The following UBR4 variants were observed in gnomAD, a reference collection of about 807,000 sequenced individuals.
The protein encoded by UBR4 is ubiquitin protein ligase E3 component n-recognin 4, also known as E3 ubiquitin-protein ligase UBR4.
A neutral mutation model predicts 575.6 loss-of-function variants in UBR4; 124 were observed. The observed-to-expected ratio is 0.22, with a 90% CI of 0.19 to 0.25. The LOEUF is 0.25. Ranked by LOEUF, UBR4 falls within the 10% of genes least tolerant of loss-of-function variation. The pLI, the probability that UBR4 is intolerant of heterozygous loss-of-function variation, is 1.00. For synonymous variants in UBR4, 2,455 were observed against 2,473.7 expected, an observed-to-expected ratio of 0.99 and a Z score of 0.22; for missense variants, 4,818 against 6,478.8, an observed-to-expected ratio of 0.74 and a Z score of 8.80.
At chr1:19,086,608 G>A (rs1445575148) in intron 100 of UBR4, 71 bp downstream of exon 100, 3 of 1,579,362 alleles carry the variant, frequency 1.9e-6, no homozygotes, top group Non-Finnish European at 2.6e-6. Flanking sequence ...CCACGAGGAT[G>A]GCAGTCCCAC....
intron 60 of UBR4, among the ~76,000 whole-genome samples, chr1:19,132,401 T>C (rs1443639069): frequency 2.6e-5 from 4 of 151,840 alleles, no homozygotes; most frequent in Non-Finnish European, 5.9e-5. Flanking sequence ...AGGCTGGTTT[T>C]GAACTCCTGG....
chr1:19,106,549 G>A lies in UBR4; in HGVS notation c.12393+20C>T. On this transcript the variant is annotated intron_variant, in intron 83 of 105. Coordinates refer to ENST00000375254, the MANE Select transcript of UBR4 (RefSeq NM_020765.3). ...GGGTCAGGGGCGCAGGGGGTGAAGAGTCCAGAAGTGGCCACTCACTTGTCG... is the reference window on the plus strand; with the variant it reads ...GGGTCAGGGGCGCAGGGGGTGAAGAATCCAGAAGTGGCCACTCACTTGTCG... The A allele has an allele frequency of 6.5e-7, 1 of 1,547,302 alleles. No homozygotes were observed.
intron 94 of UBR4, among the ~76,000 whole-genome samples, chr1:19,094,454 A>C (rs1251746395): frequency 6.6e-6 from 1 of 152,210 alleles, no homozygotes; most frequent in Non-Finnish European, 1.5e-5. Flanking sequence ...ATTAGCACCA[A>C]TAAGAATGGA....
chr1:19,195,458 T>C (rs1050745400), intron 8 of UBR4, among the ~76,000 whole-genome samples: 1 of 152,124 alleles, frequency 6.6e-6, no homozygotes, highest in Non-Finnish European at 1.5e-5. Context: ...AATCCGACTA[T>C]GAATTTTTAA....
chr1:19,177,498 T>C lies in UBR4; in HGVS notation c.2600A>G (p.His867Arg). The C allele has an allele frequency of 1.2e-6, 2 of 1,614,144 alleles. No individual in the cohort carries two copies. Among genetic ancestry groups the C allele is most frequent in the African/African-American group, 1.3e-5 (1 of 75,040 alleles). ...RLLLIFDYLL[H>R]QYSKAPVYLF... Reference sequence around the variant, plus strand: ...ATACACAGGGGCTTTGGAGTACTGATGAAGCAGATAATCAAAGATGAGAAG... The same window carrying C: ...ATACACAGGGGCTTTGGAGTACTGACGAAGCAGATAATCAAAGATGAGAAG... The change falls in exon 19 of 106, where the codon CAT (histidine) becomes CGT (arginine). Residue 867 changes from histidine to arginine, a missense_variant. His to Arg is a conservative substitution (Grantham distance 29). Around this residue, in one of 29 missense-constraint regions of UBR4, gnomAD observed 1,172 missense variants for 1,259.7 expected, o/e 0.93. Coordinates refer to ENST00000375254, the MANE Select transcript of UBR4 (RefSeq NM_020765.3).
Position 19,173,565 on chromosome 1 carries a change from T to C in UBR4, c.3039A>G (p.Leu1013=). The part of the protein sequence containing the change: ...FLILWRILGI[L]PPSKTYINQL... ...GGTTAATGTAAGTCTTTGATGGTGG[T>C]AAAATTCCTAGGATCCTCCACAGTA... Residue 1013 remains leucine (L), a synonymous_variant, in exon 23 of 106, where the codon TTA becomes TTG. Coordinates refer to ENST00000375254, the MANE Select transcript of UBR4 (RefSeq NM_020765.3). The C allele has an allele frequency of 1.2e-6, 2 of 1,614,142 alleles. No individual in the cohort carries two copies. The highest frequency in any genetic ancestry group is 1.7e-6 in the Non-Finnish European group (2 of 1,180,018).
intron 49 of UBR4, 142 bp from the exon 50 acceptor site, chr1:19,148,768 C>G: frequency 1.2e-6 from 1 of 838,052 alleles, no homozygotes; most frequent in Non-Finnish European, 1.9e-6. Flanking sequence ...AGACCTGCCA[C>G]AGGCACCATG....
At chr1:19,185,395 T>G in intron 14 of UBR4, 109 bp from the exon 15 acceptor site, 2 of 1,074,964 alleles carry the variant, frequency 1.9e-6, no homozygotes, top group Non-Finnish European at 2.6e-6. Flanking sequence ...GATATCCCAA[T>G]TGTGATGATG....
chr1:19,144,918 G>C lies in UBR4; in HGVS notation c.7946-11C>G, dbSNP rs1402084216. The stretch of plus-strand genomic sequence containing the variant: ...CAATATGAGTTAGTCCTAAAGGAGA[G>C]ACAAACATTATTTGAAAATCTGGAG... On this transcript the variant is annotated splice_polypyrimidine_tract_variant and intron_variant, in intron 53 of 105. Coordinates refer to ENST00000375254, the MANE Select transcript of UBR4 (RefSeq NM_020765.3). 1.2e-6 allele frequency: 2 copies of C among 1,610,546 alleles called. No individual in the cohort carries two copies. The highest frequency in any genetic ancestry group is 1.7e-6 in the Non-Finnish European group (2 of 1,179,062).
chr1:19,181,183 C>G (rs139938011), intron 17 of UBR4, among the ~76,000 whole-genome samples: 2 of 152,086 alleles, frequency 1.3e-5, no homozygotes, highest in East Asian at 3.9e-4. Flanking sequence ...GTTCGAGCAG[C>G]CTGGGCGACA....
At chr1:19,156,029 C>T (rs1020622742) in intron 42 of UBR4, among the ~76,000 whole-genome samples, 2 of 152,118 alleles carry the variant, frequency 1.3e-5, no homozygotes, top group Non-Finnish European at 2.9e-5. Context: ...TTTTTAGAGA[C>T]AGGGTCTTGC....
At chr1:19,162,344 A>G (rs2087518619) in intron 35 of UBR4, 76 bp downstream of exon 35, 1 of 1,509,150 alleles carries the variant, frequency 6.6e-7, no homozygotes, top group Non-Finnish European at 8.9e-7. Flanking sequence ...AGGCTGGAAA[A>G]CAGAGCCAAA....
At position 19,112,585 on chromosome 1, in the gene UBR4, G is replaced by C; in HGVS notation, c.11740C>G (p.Leu3914Val). The change falls in exon 78 of 106, where the codon CTT becomes GTT. Residue 3914 changes from leucine (L) to valine (V), a missense_variant. Coordinates refer to ENST00000375254, the MANE Select transcript of UBR4 (RefSeq NM_020765.3). The part of the protein sequence containing the change: ...GLIRELFDYN[L>V]RRGAAAMREE... Reference sequence around the variant, plus strand: ...CGCATGGCCGCAGCCCCTCGGCGAAGATTATAATCAAAGAGCTCCCGGATA... The same window carrying C: ...CGCATGGCCGCAGCCCCTCGGCGAACATTATAATCAAAGAGCTCCCGGATA... 6.2e-7 allele frequency: 1 copy of C among 1,614,246 alleles called. No homozygotes were observed. The highest frequency in any genetic ancestry group is 2.2e-5 in the East Asian group (1 of 44,886).
At chr1:19,085,225 C>T (rs2076895295) in intron 101 of UBR4, among the ~76,000 whole-genome samples, 1 of 152,222 alleles carries the variant, frequency 6.6e-6, no homozygotes, top group Non-Finnish European at 1.5e-5. Context: ...ACAATGTATA[C>T]AAGAATACAT....
Position 19,088,615 on chromosome 1 carries a change from C to T in UBR4, c.14430+144G>A. On this transcript the variant is annotated intron_variant, in intron 98 of 105. Coordinates refer to ENST00000375254, the MANE Select transcript of UBR4 (RefSeq NM_020765.3). This position sits in a 1 kb window ranked among gnomAD's most constrained non-coding sequence, Gnocchi z 4.0. ...TGATAGAACGATAGTAGTTCCACCT[C>T]TGAGAGGGCCGAACACACCTAGTTC... 1.4e-6 allele frequency: 1 copy of T among 733,320 alleles called. No homozygotes were observed. Among genetic ancestry groups the T allele is most frequent in the South Asian group, 1.8e-5 (1 of 54,522 alleles). 45.4% of individuals were successfully genotyped at this position (733,320 alleles called of 1,614,324 possible). A position where few individuals can be genotyped will look rare whatever the true frequency, so the allele number is the denominator to read the frequency against.
At chr1:19,091,393 G>A (rs1045004848) in intron 97 of UBR4, among the ~76,000 whole-genome samples, 3 of 152,152 alleles carry the variant, frequency 2.0e-5, no homozygotes, top group Admixed American at 6.5e-5. Context: ...ATGAGTTACC[G>A]AAACAGATTA....
chr1:19,078,288 C>T (rs1021269016), intron 103 of UBR4: 9 of 491,262 alleles, frequency 1.8e-5, no homozygotes, highest in Non-Finnish European at 3.0e-5. Context: ...TGAAATTCAT[C>T]TGATTCTCTC....
In UBR4 at chr1:19,192,176, G is replaced by GA. The variant is rs763456578; in HGVS notation, c.1394+11_1394+12insT. On this transcript the variant is annotated intron_variant, in intron 11 of 105. Transcript: ENST00000375254. ...AAAACAAAATATAAGTTATAATCAAGTAGACACATACCCTTTTCCAGGCCC... is the reference window on the plus strand; with the variant it reads ...AAAACAAAATATAAGTTATAATCAAGATAGACACATACCCTTTTCCAGGCCC... The GA allele has an allele frequency of 1.9e-6, 3 of 1,610,626 alleles. No homozygotes were observed. The East Asian group carries it at 6.7e-5, about 36-fold the overall frequency.
rs372238917 is a variant in UBR4 at position 19,151,898 on chromosome 1, G to C, written c.6997-39C>G. The C allele has an allele frequency of 4.0e-6, 6 of 1,511,876 alleles. No homozygotes were observed. In the African/African-American group the frequency reaches 8.4e-5, roughly 21 times the overall value. The allele number at this position is 1,511,876 out of a possible 1,614,324, so 93.7% of individuals were successfully genotyped here. On this transcript the variant is annotated intron_variant, in intron 47 of 105. Coordinates refer to ENST00000375254, the MANE Select transcript of UBR4 (RefSeq NM_020765.3). Reference sequence around the variant, plus strand: ...AGGCACACATCAAGAAACTACAGAAGTTCTTAAGTTTTAACTAGGACTCCT... The same window carrying C: ...AGGCACACATCAAGAAACTACAGAACTTCTTAAGTTTTAACTAGGACTCCT...
Sources: allele counts gnomAD v4.1 joint callset (sites outside exome capture counted in the v4.1 genomes callset), GRCh38; gene constraint gnomAD v4.1.1; regional missense constraint gnomAD v4.1.1; non-coding constraint Gnocchi (gnomAD v3.1); transcripts MANE v1.5; gene names NCBI Gene and HGNC (gene_info 2026-07-23, HGNC 2026-07-21).